Variants in P2RY14 observed in about 807,000 individuals in gnomAD.
P2RY14 encodes the protein purinergic receptor P2Y14.
In P2RY14, 2 loss-of-function variants were observed where a neutral mutation model predicts 0.9. The ratio of observed to expected loss-of-function variants is 2.16; its 90% CI spans 0.88 to 6.79. The LOEUF (loss-of-function observed/expected upper bound fraction) is 6.79, where lower values mean the gene tolerates loss of function less well. Ranked by LOEUF, P2RY14 falls within the 30% of genes most tolerant of loss-of-function variation. The pLI is 0.05. For missense variants in P2RY14, 378 were observed against 400.1 expected, an observed-to-expected ratio of 0.94 and a Z score of 0.47; for synonymous variants, 158 against 147.2, an observed-to-expected ratio of 1.07 and a Z score of -0.53.
intron 1 of P2RY14, chr3:151,241,694 ATTTT>A (rs149424608): frequency 6.6e-6 from 1 of 151,960 alleles, no homozygotes; most frequent in African/African-American, 2.4e-5. Flanking sequence ...CACATACATA[ATTTT>A]TTTTCATTTT....
At chr3:151,258,358 T>C (rs1197070190) in intron 1 of P2RY14, among the ~76,000 whole-genome samples, 2 of 152,226 alleles carry the variant, frequency 1.3e-5, no homozygotes, top group Non-Finnish European at 2.9e-5. Context: ...TAGTACTTTC[T>C]AATGTGGTCA....
intron 1 of P2RY14, among the ~76,000 whole-genome samples, chr3:151,240,956 T>G (rs773509983): frequency 9.9e-5 from 15 of 152,174 alleles, no homozygotes; most frequent in Non-Finnish European, 2.2e-4. Context: ...ATTTGCTAAT[T>G]GGTGAAACAG....
At chr3:151,268,097 G>A (rs532537452) in intron 1 of P2RY14, among the ~76,000 whole-genome samples, 3 of 152,266 alleles carry the variant, frequency 2.0e-5, no homozygotes, top group African/African-American at 7.2e-5. Context: ...TCTTTAAACA[G>A]TGGGAATACT....
chr3:151,269,769 AT>A, intron 1 of P2RY14: 1 of 425,538 alleles, frequency 2.3e-6, no homozygotes, highest in Non-Finnish European at 4.6e-6. Flanking sequence ...GTGGTGATCT[AT>A]TTTTAGAGTC....
intron 1 of P2RY14, chr3:151,269,443 A>T: frequency 4.2e-6 from 1 of 237,362 alleles, no homozygotes; most frequent in Non-Finnish European, 8.2e-6. Context: ...ACACACACAA[A>T]ATTCAGAGAC....
At chr3:151,253,333 G>A (rs1389429542) in intron 1 of P2RY14, among the ~76,000 whole-genome samples, 3 of 152,132 alleles carry the variant, frequency 2.0e-5, no homozygotes, top group African/African-American at 4.8e-5. Context: ...GGGGCCTTCC[G>A]CTCTTACCCC....
At chr3:151,247,668 G>A (rs1271399883) in intron 1 of P2RY14, among the ~76,000 whole-genome samples, 13 of 145,376 alleles carry the variant, frequency 8.9e-5, no homozygotes, top group Non-Finnish European at 1.1e-4. Flanking sequence ...GCTAGATGAC[G>A]AGTTAGTGGG....
chr3:151,213,208 T>A lies in P2RY14; in HGVS notation c.*92A>T. ...TGGATGGCAGTGCTAGAGATGATATTTATGATGAGGGCACATATCTTATTG... is the reference window on the plus strand; with the variant it reads ...TGGATGGCAGTGCTAGAGATGATATATATGATGAGGGCACATATCTTATTG... On this transcript the variant is annotated 3_prime_UTR_variant, in exon 3 of 3. Coordinates refer to ENST00000309170, the MANE Select transcript of P2RY14 (RefSeq NM_014879.4). 3 of 975,932 alleles carry A rather than the reference T, an allele frequency of 3.1e-6. No homozygotes were observed. The highest frequency in any genetic ancestry group is 4.6e-6 in the Non-Finnish European group (3 of 652,296). 60.5% of individuals were successfully genotyped at this position (975,932 alleles called of 1,614,324 possible).
intron 1 of P2RY14, among the ~76,000 whole-genome samples, chr3:151,257,404 T>C (rs1479022365): frequency 6.6e-6 from 1 of 152,248 alleles, no homozygotes; most frequent in Non-Finnish European, 1.5e-5. Flanking sequence ...GAGCATTGTC[T>C]CCAGAATAGA....
At chr3:151,272,004 T>C (rs113353701) in intron 1 of P2RY14, among the ~76,000 whole-genome samples, 1 of 152,212 alleles carries the variant, frequency 6.6e-6, no homozygotes, top group African/African-American at 2.4e-5. Context: ...TATACCCCAA[T>C]ATAAATTAGG....
rs1465386357 is a variant in P2RY14 at position 151,212,374 on chromosome 3, T to G, written c.*926A>C. On this transcript the variant is annotated 3_prime_UTR_variant, in exon 3 of 3. Coordinates refer to ENST00000309170, the MANE Select transcript of P2RY14 (RefSeq NM_014879.4). ...ATTTTATGTGTTATTTTGCACTCAT[T>G]AATGTAAATTTTAGATTTAAAAAAA... 2 of 152,218 alleles carry G rather than the reference T, an allele frequency of 1.3e-5. No homozygotes were observed. Among genetic ancestry groups the G allele is most frequent in the African/African-American group, 4.8e-5 (2 of 41,456 alleles). The allele number at this position is 152,218 out of a possible 1,614,324, so 9.4% of individuals were successfully genotyped here.
At chr3:151,234,590 C>T (rs996674752) in intron 1 of P2RY14, among the ~76,000 whole-genome samples, 1 of 152,130 alleles carries the variant, frequency 6.6e-6, no homozygotes, top group Non-Finnish European at 1.5e-5. Context: ...CCAAAAATAT[C>T]CTTATTTTAC....
intron 1 of P2RY14, among the ~76,000 whole-genome samples, chr3:151,260,952 C>G (rs993354497): frequency 6.6e-6 from 1 of 152,110 alleles, no homozygotes; most frequent in Non-Finnish European, 1.5e-5. Context: ...TCTCCCCAGA[C>G]TGATTTCCTT....
chr3:151,274,422 C>A (rs1373069594), intron 1 of P2RY14, among the ~76,000 whole-genome samples: 1 of 152,116 alleles, frequency 6.6e-6, no homozygotes, highest in Non-Finnish European at 1.5e-5. Context: ...AAAGGTAGTG[C>A]TTATAGGCAT....
chr3:151,277,336 C>G (rs932511849), intron 1 of P2RY14, among the ~76,000 whole-genome samples: 1 of 151,946 alleles, frequency 6.6e-6, no homozygotes, highest in African/African-American at 2.4e-5. Context: ...ATATAAAATT[C>G]ATTGCATGTT....
chr3:151,262,867 C>G (rs904224058), intron 1 of P2RY14, among the ~76,000 whole-genome samples: 1 of 152,088 alleles, frequency 6.6e-6, no homozygotes, highest in Non-Finnish European at 1.5e-5. Flanking sequence ...GTTAACGTCT[C>G]CTCAGTTAAA....
chr3:151,255,446 A>G lies in P2RY14; in HGVS notation c.-133+22841T>C, dbSNP rs548715520. On this transcript the variant is annotated intron_variant, in intron 1 of 2. Transcript: ENST00000309170. ...GTTAAATTGCTCAGCAGAAAAGGCC[A>G]GGGGGAGGGGGCTGGGGGTGCGGGC... 4.1e-3 allele frequency among the ~76,000 whole-genome samples: 575 copies of G among 138,788 alleles called. 3 individuals carry two copies. The highest frequency in any genetic ancestry group is 3.8e-3 in the Non-Finnish European group (247 of 64,732). The allele number at this position is 138,788 out of a possible 152,430, so 91.1% of individuals were successfully genotyped here. A position where few individuals can be genotyped will look rare whatever the true frequency, so the allele number is the denominator to read the frequency against.
At chr3:151,246,167 A>T (rs1208824480) in intron 1 of P2RY14, among the ~76,000 whole-genome samples, 1 of 152,238 alleles carries the variant, frequency 6.6e-6, no homozygotes, top group Non-Finnish European at 1.5e-5. Flanking sequence ...GGTAGGAAGA[A>T]TAAATATCGT....
chr3:151,267,182 C>T (rs1405505109), intron 1 of P2RY14, among the ~76,000 whole-genome samples: 8 of 152,140 alleles, frequency 5.3e-5, no homozygotes, highest in Non-Finnish European at 7.4e-5. Context: ...GAAGATGTGA[C>T]TTATGACAGT....
Sources: gnomAD v4.1 joint callset for allele counts (sites outside exome capture counted in the v4.1 genomes callset) on GRCh38, gnomAD v4.1.1 for gene constraint, MANE v1.5 for transcripts, NCBI Gene and HGNC (gene_info 2026-07-23, HGNC 2026-07-21) for gene names.